Variants in PCBP3 observed in about 807,000 individuals in gnomAD.
PCBP3 encodes poly(rC)-binding protein 3.
Under a neutral mutation model 52.7 loss-of-function variants are expected in PCBP3, and 25 were observed. The ratio of observed to expected loss-of-function variants is 0.47; its 90% CI spans 0.35 to 0.66. The LOEUF (loss-of-function observed/expected upper bound fraction) is 0.66. Among genes scored for constraint, PCBP3 ranks in the 30% least tolerant of loss-of-function variants. The pLI is 0.01. For synonymous variants in PCBP3, 162 were observed against 183.0 expected (o/e 0.89, Z 0.93); for missense variants, 391 against 490.3 (o/e 0.80, Z 1.91).
At chr21:45,771,764 A>G (rs770508542) in intron 4 of PCBP3, among the ~76,000 whole-genome samples, 28 of 152,330 alleles carry the variant, frequency 1.8e-4, no homozygotes, top group Non-Finnish European at 3.5e-4. Flanking sequence ...AGCAAGTTCA[A>G]TAGTCAAGAA....
At chr21:45,749,428 T>A (rs1569180263) in intron 3 of PCBP3, 1 of 152,086 alleles carries the variant, frequency 6.6e-6, no homozygotes. Context: ...AAGATGGCAT[T>A]GGACTTGGCA....
chr21:45,875,324 T>C (rs1348810178), intron 5 of PCBP3, among the ~76,000 whole-genome samples: 1 of 152,210 alleles, frequency 6.6e-6, no homozygotes, highest in East Asian at 1.9e-4. Flanking sequence ...GCTGCACATG[T>C]GCTGGCAGCT....
At chr21:45,643,920 G>T (rs1020936862) in intron 1 of PCBP3, 52 bp downstream of exon 1, 1 of 148,966 alleles carries the variant, frequency 6.7e-6, no homozygotes, top group Non-Finnish European at 1.5e-5. Flanking sequence ...TGCGGGTTAC[G>T]GGGACCCAGT....
At chr21:45,930,206 G>C (rs571407262) in intron 14 of PCBP3, among the ~76,000 whole-genome samples, 37 of 152,310 alleles carry the variant, frequency 2.4e-4, no homozygotes, top group Admixed American at 1.8e-3. Flanking sequence ...GTTGGGGGCT[G>C]GTTCACCTTA....
At chr21:45,866,931 A>C (rs2094756583) in intron 5 of PCBP3, among the ~76,000 whole-genome samples, 1 of 152,228 alleles carries the variant, frequency 6.6e-6, no homozygotes, top group South Asian at 2.1e-4. Context: ...CCCATAACAG[A>C]ACATTATCCG....
rs927358151 is a variant in PCBP3 at position 45,643,787 on chromosome 21, C to G, written c.-360C>G. 1.3e-5 allele frequency: 2 copies of G among 148,928 alleles called. No homozygotes were observed. The highest frequency in any genetic ancestry group is 6.7e-5 in the Admixed American group (1 of 14,990). 9.2% of individuals were successfully genotyped at this position (148,928 alleles called of 1,614,324 possible). ...CTGACTTAGGCTCCGCCGCCGCCTC[C>G]TCACCCGCCTCGCCCCGACCCCGCC... On this transcript the variant is annotated 5_prime_UTR_variant, in exon 1 of 18. Coordinates refer to ENST00000681687, the MANE Select transcript of PCBP3 (RefSeq NM_001384156.1).
At chr21:45,688,921 C>A (rs1167617051) in intron 2 of PCBP3, among the ~76,000 whole-genome samples, 2 of 151,444 alleles carry the variant, frequency 1.3e-5, no homozygotes. Context: ...ACACAAAAAT[C>A]TGAAAAGCTT....
At chr21:45,746,128 A>G (rs2086838511) in intron 3 of PCBP3, among the ~76,000 whole-genome samples, 2 of 135,324 alleles carry the variant, frequency 1.5e-5, no homozygotes, top group South Asian at 4.9e-4. Context: ...CGTAGCGCAC[A>G]CGGTGTTGTG....
chr21:45,721,681 C>T (rs1248178502), intron 2 of PCBP3, among the ~76,000 whole-genome samples: 1 of 152,224 alleles, frequency 6.6e-6, no homozygotes, highest in African/African-American at 2.4e-5. Context: ...ACTGGTACCA[C>T]TTTATTTTCA....
chr21:45,830,876 C>T lies in PCBP3; in HGVS notation c.-125-19085C>T, dbSNP rs938686933. 5.9e-5 allele frequency: 9 copies of T among 152,226 alleles called. No homozygotes were observed. Among genetic ancestry groups the T allele is most frequent in the Admixed American group, 2.6e-4 (4 of 15,282 alleles). The allele number at this position is 152,226 out of a possible 1,614,324, so 9.4% of individuals were successfully genotyped here. A position where few individuals can be genotyped will look rare whatever the true frequency, so the allele number is the denominator to read the frequency against. ...GGGGAATCGAGAGTGACGTAGTCAC[C>T]CTCCACCTTTGTCCCTGCTGTCTAT... is the stretch of plus-strand genomic sequence containing the variant. On this transcript the variant is annotated intron_variant, in intron 4 of 17. Coordinates refer to ENST00000681687, the MANE Select transcript of PCBP3 (RefSeq NM_001384156.1). This position sits in a 1 kb window ranked among gnomAD's most constrained non-coding sequence, Gnocchi z 4.4.
intron 5 of PCBP3, among the ~76,000 whole-genome samples, chr21:45,864,403 GGATTTCTGTGTGA>G: frequency 6.6e-6 from 1 of 152,312 alleles, no homozygotes; most frequent in Admixed American, 6.5e-5. Flanking sequence ...CCAGTGAGCA[GGATTTCTGTGTGA>G]TGAAGCCATC....
intron 4 of PCBP3, chr21:45,828,930 C>T (rs2093376130): frequency 6.6e-6 from 1 of 152,482 alleles, no homozygotes; most frequent in Non-Finnish European, 1.5e-5. Context: ...CCCCTAGCAG[C>T]TCTGCCCAAC....
chr21:45,742,064 T>C (rs1402527689), intron 3 of PCBP3, among the ~76,000 whole-genome samples: 1 of 152,252 alleles, frequency 6.6e-6, no homozygotes, highest in East Asian at 1.9e-4. Context: ...TGGTTTCCCA[T>C]GTTGTGGATC....
chr21:45,869,340 C>G (rs1314654341), intron 5 of PCBP3: 1 of 152,256 alleles, frequency 6.6e-6, no homozygotes, highest in East Asian at 1.9e-4. Context: ...AAGGTTGTGG[C>G]CTTTGCTTCC....
chr21:45,715,810 C>A (rs2084178615), intron 2 of PCBP3, among the ~76,000 whole-genome samples: 1 of 152,112 alleles, frequency 6.6e-6, no homozygotes, highest in African/African-American at 2.4e-5. Context: ...GTATTCAAAT[C>A]ATTTTCCCAT....
rs1294830197 is a variant in PCBP3, at chr21:45,800,988, C to T, written c.-126+45536C>T. On this transcript the variant is annotated intron_variant, in intron 4 of 17. Transcript: ENST00000681687. This position sits in a 1 kb window ranked among gnomAD's most constrained non-coding sequence, Gnocchi z 5.3. ...CTTGTTGCCCGTTCTGCGTGGCCAC[C>T]CGTTCTTGCCAGCATGCCCACTCGC... 1.3e-5 allele frequency among the ~76,000 whole-genome samples: 2 copies of T among 152,232 alleles called. No individual in the cohort carries two copies. The highest frequency in any genetic ancestry group is 6.5e-5 in the Admixed American group (1 of 15,286).
At position 45,800,966 on chromosome 21, in the gene PCBP3, G is replaced by GT. The variant is rs1485112891; in HGVS notation, c.-126+45516dup. 2.6e-5 allele frequency among the ~76,000 whole-genome samples: 4 copies of GT among 152,346 alleles called. No homozygotes were observed. In the East Asian group the frequency reaches 7.7e-4, roughly 29 times the overall value. ...GGGGTTCCCGCCTCCTCCAGGACTT[G>GT]TTGCCCGTTCTGCGTGGCCACCCGT... On this transcript the variant is annotated intron_variant, in intron 4 of 17. Transcript: ENST00000681687. The surrounding 1 kb of genome is among the most constrained non-coding windows in gnomAD (Gnocchi z 5.3).
intron 4 of PCBP3, among the ~76,000 whole-genome samples, chr21:45,847,601 C>T (rs181464740): frequency 6.6e-6 from 1 of 152,268 alleles, no homozygotes; most frequent in East Asian, 1.9e-4. Flanking sequence ...GACATAAAAT[C>T]CTTTGGTCAC....
intron 4 of PCBP3, among the ~76,000 whole-genome samples, chr21:45,780,999 G>A (rs1050192197): frequency 3.3e-5 from 5 of 152,154 alleles, no homozygotes; most frequent in Non-Finnish European, 7.4e-5. Flanking sequence ...GGGGAATCAA[G>A]TAGGTTGTGT....
Sources: gnomAD v4.1 joint callset for allele counts (sites outside exome capture counted in the v4.1 genomes callset) on GRCh38, gnomAD v4.1.1 for gene constraint, Gnocchi (gnomAD v3.1) non-coding constraint, MANE v1.5 for transcripts, NCBI Gene and HGNC (gene_info 2026-07-23, HGNC 2026-07-21) for gene names.